The following FKTN variants were observed in gnomAD, a reference collection of about 807,000 sequenced individuals.
FKTN encodes the protein ribitol-5-phosphate transferase FKTN.
A neutral mutation model predicts 58.6 loss-of-function variants in FKTN; 47 were observed. The observed-to-expected ratio is 0.80, with a 90% CI of 0.63 to 1.02. FKTN has a LOEUF of 1.02. Ranked by LOEUF, FKTN falls within the 50% of genes least tolerant of loss-of-function variation. The pLI, the probability that FKTN is intolerant of heterozygous loss-of-function variation, is 0.00. For missense variants in FKTN, 516 were observed against 537.3 expected, an observed-to-expected ratio of 0.96 and a Z score of 0.39; for synonymous variants, 178 against 191.9, an observed-to-expected ratio of 0.93 and a Z score of 0.60.
chr9:105,567,895 T>G (rs1839979033), intron 1 of FKTN, among the ~76,000 whole-genome samples: 1 of 152,154 alleles, frequency 6.6e-6, no homozygotes, highest in Admixed American at 6.5e-5. Context: ...CAAACTATAC[T>G]ACAAGGCTAC....
At chr9:105,564,812 T>C (rs1839069973) in intron 1 of FKTN, among the ~76,000 whole-genome samples, 1 of 152,030 alleles carries the variant, frequency 6.6e-6, no homozygotes, top group Non-Finnish European at 1.5e-5. Flanking sequence ...ACAAAGATAC[T>C]CCTCGAGAAG....
At chr9:105,619,391 TAA>T (rs974359727) in intron 9 of FKTN, among the ~76,000 whole-genome samples, 4 of 152,192 alleles carry the variant, frequency 2.6e-5, no homozygotes, top group African/African-American at 9.6e-5. Flanking sequence ...ATTTGTATGA[TAA>T]GTTTTCTTTA....
chr9:105,603,072 G>A (rs1359929836), intron 5 of FKTN, among the ~76,000 whole-genome samples: 2 of 152,136 alleles, frequency 1.3e-5, no homozygotes, highest in Admixed American at 1.3e-4. Context: ...ATTGATCAGA[G>A]CAACTATTTT....
At chr9:105,608,911 A>G (rs1175876622) in intron 7 of FKTN, among the ~76,000 whole-genome samples, 1 of 152,200 alleles carries the variant, frequency 6.6e-6, no homozygotes, top group Non-Finnish European at 1.5e-5. Flanking sequence ...TATGCCTACC[A>G]CATAATAACA....
rs760967116 is a variant in FKTN, at chr9:105,604,414, G to T, written c.569G>T (p.Arg190Ile). 6.2e-7 allele frequency: 1 copy of T among 1,614,052 alleles called. No homozygotes were observed. The highest frequency in any genetic ancestry group is 1.7e-5 in the Admixed American group (1 of 60,016). The change falls in exon 6 of 11, where the codon AGA becomes ATA. Residue 190 changes from arginine to isoleucine, a missense_variant. Transcript: ENST00000357998. Reference sequence around the variant, plus strand: ...AACTACCTCTGGCACGGCCACTTGAGACTTAAAGAACACATTGACAGGAAA... The same window carrying T: ...AACTACCTCTGGCACGGCCACTTGATACTTAAAGAACACATTGACAGGAAA... ...SGNYLWHGHL[R>I]LKEHIDRKFV...
chr9:105,569,581 C>G (rs1401837243), intron 1 of FKTN, among the ~76,000 whole-genome samples: 1 of 152,192 alleles, frequency 6.6e-6, no homozygotes, highest in Non-Finnish European at 1.5e-5. Context: ...ACACCTATAA[C>G]CCATTCATGA....
At chr9:105,603,918 T>C in intron 5 of FKTN, 1 of 381,168 alleles carries the variant, frequency 2.6e-6, no homozygotes, top group Non-Finnish European at 5.0e-6. Flanking sequence ...TCCACCTGCC[T>C]CAGCCTCCCA....
chr9:105,625,090 G>C (rs1266770236), intron 10 of FKTN, among the ~76,000 whole-genome samples: 1 of 152,168 alleles, frequency 6.6e-6, no homozygotes, highest in African/African-American at 2.4e-5. Context: ...AGTCTGATTA[G>C]GAAGATTCAT....
intron 1 of FKTN, among the ~76,000 whole-genome samples, chr9:105,562,349 T>C (rs1265097665): frequency 6.6e-6 from 1 of 152,038 alleles, no homozygotes; most frequent in Non-Finnish European, 1.5e-5. Context: ...ATGATAAGGG[T>C]GTGAAAAATG....
rs1221782801 is a variant in FKTN at position 105,636,022 on chromosome 9, A to T, written c.*758A>T. 1 of 985,376 alleles carries T rather than the reference A, an allele frequency of 1.0e-6. No individual in the cohort carries two copies. The highest frequency in any genetic ancestry group is 1.7e-5 in the African/African-American group (1 of 57,226). The allele number at this position is 985,376 out of a possible 1,614,324, so 61.0% of individuals were successfully genotyped here. On this transcript the variant is annotated 3_prime_UTR_variant, in exon 11 of 11. Coordinates refer to ENST00000357998, the MANE Select transcript of FKTN (RefSeq NM_001079802.2). ...CACTGACCTCTGATGGCACTTGTTGACAAATCATTCAAGTGAGACCATGTT... is the reference window on the plus strand; with the variant it reads ...CACTGACCTCTGATGGCACTTGTTGTCAAATCATTCAAGTGAGACCATGTT...
chr9:105,587,896 A>G lies in FKTN; in HGVS notation c.106-8702A>G, dbSNP rs1410208008. ...GAGTAAATATAAGAGAAATGTTTCT[A>G]CTGGAAAGAGAAACACTGAGAGGCA... On this transcript the variant is annotated intron_variant, in intron 3 of 10. Coordinates refer to ENST00000357998, the MANE Select transcript of FKTN (RefSeq NM_001079802.2). Among the ~76,000 whole-genome samples the G allele has an allele frequency of 2.6e-5, 4 of 152,292 alleles. No homozygotes were observed. The East Asian group carries it at 7.7e-4, about 29-fold the overall frequency.
chr9:105,594,048 A>G (rs1330265157), intron 3 of FKTN, among the ~76,000 whole-genome samples: 1 of 152,214 alleles, frequency 6.6e-6, no homozygotes, highest in African/African-American at 2.4e-5. Flanking sequence ...GATGGAATAA[A>G]TAATAGTCAT....
In FKTN at chr9:105,630,010, A is replaced by T. The variant is rs531769929; in HGVS notation, c.1173-5041A>T. On this transcript the variant is annotated intron_variant, in intron 10 of 10. Coordinates refer to ENST00000357998, the MANE Select transcript of FKTN (RefSeq NM_001079802.2). ...TTGAACAATGAGAACACTTGGACAC[A>T]GGGTGGGGAACATCACACAATCACA... Among the ~76,000 whole-genome samples, 20 of 152,224 alleles carry T rather than the reference A, an allele frequency of 1.3e-4. No individual in the cohort carries two copies. In the South Asian group the frequency reaches 3.9e-3, roughly 30 times the overall value.
chr9:105,592,718 G>A lies in FKTN; in HGVS notation c.106-3880G>A, dbSNP rs115012218. On this transcript the variant is annotated intron_variant, in intron 3 of 10. Transcript: ENST00000357998. ...GTTCAGAGTTTCACAGATCTCTAGGGCCAGGGCACAATGCAGCCAGGTTGT... is the reference window on the plus strand; with the variant it reads ...GTTCAGAGTTTCACAGATCTCTAGGACCAGGGCACAATGCAGCCAGGTTGT... 5.0e-3 allele frequency among the ~76,000 whole-genome samples: 758 copies of A among 152,234 alleles called. 8 individuals carry two copies. The highest frequency in any genetic ancestry group is 0.017 in the African/African-American group (712 of 41,530).
At chr9:105,559,538 G>T (rs576668232) in intron 1 of FKTN, among the ~76,000 whole-genome samples, 3 of 152,194 alleles carry the variant, frequency 2.0e-5, no homozygotes, top group African/African-American at 4.8e-5. Flanking sequence ...CAACAAATTA[G>T]CCGGGTGTGG....
rs1161763519 is a variant in FKTN, at chr9:105,640,940, A to G, written c.*5676A>G. 6.6e-6 allele frequency: 1 copy of G among 152,198 alleles called. No individual in the cohort carries two copies. Among genetic ancestry groups the G allele is most frequent in the Admixed American group, 6.5e-5 (1 of 15,282 alleles). The allele number at this position is 152,198 out of a possible 1,614,324, so 9.4% of individuals were successfully genotyped here. ...AAACATATATATGAATTTCTAAACA[A>G]AGTGATATTTTAAAGATGAATTGAT... On this transcript the variant is annotated 3_prime_UTR_variant, in exon 11 of 11. Transcript: ENST00000357998.
chr9:105,637,956 C>T lies in FKTN; in HGVS notation c.*2692C>T. ...TTCTTTGATTCCCTAGCTGCAAAACCTGAAATTGACCACTAGGTGACAGAA... is the reference window on the plus strand; with the variant it reads ...TTCTTTGATTCCCTAGCTGCAAAACTTGAAATTGACCACTAGGTGACAGAA... On this transcript the variant is annotated 3_prime_UTR_variant, in exon 11 of 11. Coordinates refer to ENST00000357998, the MANE Select transcript of FKTN (RefSeq NM_001079802.2). 1.0e-6 allele frequency: 1 copy of T among 985,370 alleles called. No homozygotes were observed. The highest frequency in any genetic ancestry group is 1.2e-6 in the Non-Finnish European group (1 of 829,930). 61.0% of individuals were successfully genotyped at this position (985,370 alleles called of 1,614,324 possible).
chr9:105,613,389 A>C (rs918263152), intron 7 of FKTN, among the ~76,000 whole-genome samples: 1 of 152,244 alleles, frequency 6.6e-6, no homozygotes, highest in Non-Finnish European at 1.5e-5. Flanking sequence ...TTCTGTAGAC[A>C]GTGACTTATC....
chr9:105,625,204 T>G (rs539233223), intron 10 of FKTN, among the ~76,000 whole-genome samples: 1 of 152,284 alleles, frequency 6.6e-6, no homozygotes, highest in East Asian at 1.9e-4. Context: ...TGCAGAGAGA[T>G]ATAGTTTATA....
Sources: gnomAD v4.1 joint callset for allele counts (sites outside exome capture counted in the v4.1 genomes callset) on GRCh38, gnomAD v4.1.1 for gene constraint, MANE v1.5 for transcripts, NCBI Gene and HGNC (gene_info 2026-07-23, HGNC 2026-07-21) for gene names.